Variants in NBEAL1 observed in about 807,000 individuals in gnomAD.
NBEAL1 encodes the protein neurobeachin like 1.
NBEAL1 carries 273 observed loss-of-function variants against 351.3 expected under a neutral mutation model. The ratio of observed to expected loss-of-function variants is 0.78; its 90% confidence interval spans 0.70 to 0.86. The LOEUF (loss-of-function observed/expected upper bound fraction) is 0.86. Ranked by LOEUF, NBEAL1 falls within the 40% of genes least tolerant of loss-of-function variation. The probability of loss-of-function intolerance (pLI) is 0.00; values close to 1 mark genes in which losing one functional copy is unlikely to be tolerated. For synonymous variants in NBEAL1, 1,050 were observed against 1,086.4 expected (o/e 0.97, Z 0.66); for missense variants, 2,961 against 3,201.3 (o/e 0.92, Z 1.81).
chr2:203,016,481 TA>T, intron 2 of NBEAL1, 46 bp downstream of exon 2: 1 of 1,284,194 alleles, frequency 7.8e-7, no homozygotes. Context: ...TACTTTATTA[TA>T]AAATTTGTGA....
At chr2:203,154,407 A>G (rs1395757418) in intron 35 of NBEAL1, among the ~76,000 whole-genome samples, 2 of 152,008 alleles carry the variant, frequency 1.3e-5, no homozygotes, top group Non-Finnish European at 2.9e-5. Context: ...TGTTTTGCCT[A>G]CTCCTTAGTT....
At chr2:203,130,513 C>T (rs772578507) in intron 25 of NBEAL1, 37 bp downstream of exon 25, 191 of 1,324,826 alleles carry the variant, frequency 1.4e-4, no homozygotes, top group East Asian at 5.6e-4. Context: ...TATTTTGAGG[C>T]GTTTGTGGGT....
chr2:203,158,028 A>G (rs1318240139), intron 36 of NBEAL1, among the ~76,000 whole-genome samples: 1 of 152,198 alleles, frequency 6.6e-6, no homozygotes, highest in African/African-American at 2.4e-5. Context: ...GGACCTTGAA[A>G]TTAGAAAATA....
At chr2:203,120,249 G>A (rs1277205437) in intron 18 of NBEAL1, among the ~76,000 whole-genome samples, 3 of 152,064 alleles carry the variant, frequency 2.0e-5, no homozygotes, top group African/African-American at 2.4e-5. Flanking sequence ...GGTATTATTG[G>A]TTATCTTTTC....
chr2:203,071,501 G>A (rs1277632166), intron 7 of NBEAL1, among the ~76,000 whole-genome samples: 2 of 152,134 alleles, frequency 1.3e-5, no homozygotes, highest in Middle Eastern at 3.4e-3. Context: ...AATTTTGGGG[G>A]TATACAGTTC....
intron 27 of NBEAL1, 85 bp downstream of exon 27, chr2:203,133,231 C>T (rs2063116027): frequency 1.8e-6 from 1 of 542,318 alleles, no homozygotes; most frequent in Non-Finnish European, 3.1e-6. Context: ...GCAGCAGATA[C>T]AAGTTTTCAT....
At chr2:203,141,820 C>A (rs1473451480) in intron 31 of NBEAL1, among the ~76,000 whole-genome samples, 2 of 152,104 alleles carry the variant, frequency 1.3e-5, no homozygotes, top group African/African-American at 4.8e-5. Flanking sequence ...ACAGGAACCT[C>A]TTTCTGTATA....
chr2:203,135,870 C>A lies in NBEAL1; in HGVS notation c.4007C>A (p.Ser1336Tyr). 1 of 1,614,022 alleles carries A rather than the reference C, an allele frequency of 6.2e-7. No homozygotes were observed. Among genetic ancestry groups the A allele is most frequent in the South Asian group, 1.1e-5 (1 of 91,070 alleles). ...NMSTEDTKKNSDEKTDEEKIT... is the reference protein window; with the variant it reads ...NMSTEDTKKNYDEKTDEEKIT... ...TCAACTGAAGATACCAAGAAGAACT[C>A]TGATGAAAAAACAGATGAGGAAAAA... Residue 1336 changes from serine (S) to tyrosine (Y), a missense_variant, in exon 28 of 56, where the codon TCT (serine) becomes TAT (tyrosine). Coordinates refer to ENST00000683969, the MANE Select transcript of NBEAL1 (RefSeq NM_001378026.1).
chr2:203,174,474 T>A (rs951670214), intron 41 of NBEAL1, among the ~76,000 whole-genome samples: 1 of 152,138 alleles, frequency 6.6e-6, no homozygotes, highest in African/African-American at 2.4e-5. Flanking sequence ...AGGATAGATA[T>A]TCACCAAAAA....
chr2:203,112,856 C>G (rs758210081), intron 16 of NBEAL1, among the ~76,000 whole-genome samples, 159 bp from the exon 17 acceptor site: 1 of 152,030 alleles, frequency 6.6e-6, no homozygotes, highest in Non-Finnish European at 1.5e-5. Context: ...TATACACATG[C>G]GTCTACACTT....
chr2:203,193,697 G>T, intron 46 of NBEAL1, 98 bp from the exon 47 acceptor site: 1 of 712,150 alleles, frequency 1.4e-6, no homozygotes. Flanking sequence ...TGCATGGTAT[G>T]TAATTCATTG....
intron 4 of NBEAL1, chr2:203,052,232 G>C (rs1314637544): frequency 2.7e-5 from 4 of 148,620 alleles, no homozygotes; most frequent in African/African-American, 9.9e-5. Context: ...ACCCCTGCCC[G>C]CCCCAACCTC....
intron 35 of NBEAL1, 48 bp from the exon 36 acceptor site, chr2:203,157,651 A>G: frequency 7.0e-7 from 1 of 1,424,738 alleles, no homozygotes; most frequent in Non-Finnish European, 9.4e-7. Flanking sequence ...AAAGGCTATA[A>G]TATTGTTTTT....
At position 203,127,841 on chromosome 2, in the gene NBEAL1, G is replaced by A. The variant is rs2062977536; in HGVS notation, c.3309G>A (p.Leu1103=). The change falls in exon 24 of 56, where the codon TTG becomes TTA. Residue 1103 remains leucine, a synonymous_variant. Transcript: ENST00000683969. ...LDDIRTIRTS[L]YGLIKYFLCK... is the part of the protein sequence containing the mutation. ...ATATTCGAACAATAAGGACTTCTTT[G>A]TATGGACTAATTAAATATTTTCTGT... is the stretch of plus-strand genomic sequence containing the variant. 2.6e-6 allele frequency: 4 copies of A among 1,540,186 alleles called. No homozygotes were observed. Among genetic ancestry groups the A allele is most frequent in the African/African-American group, 1.4e-5 (1 of 73,188 alleles).
rs1016101524 is a variant in NBEAL1, at chr2:203,224,248, C to G, written c.*6894C>G. On this transcript the variant is annotated 3_prime_UTR_variant, in exon 56 of 56. Transcript: ENST00000683969. Reference sequence around the variant, plus strand: ...ATCACCAAACTTTTTTTGTGGCAAACTGCTTATTTTATAAGTAGCTTTATA... The same window carrying G: ...ATCACCAAACTTTTTTTGTGGCAAAGTGCTTATTTTATAAGTAGCTTTATA... Among the ~76,000 whole-genome samples, 1 of 151,940 alleles carries G rather than the reference C, an allele frequency of 6.6e-6. No homozygotes were observed. Among genetic ancestry groups the G allele is most frequent in the Non-Finnish European group, 1.5e-5 (1 of 67,882 alleles).
chr2:203,057,151 T>C (rs1487451456), intron 5 of NBEAL1, among the ~76,000 whole-genome samples, 175 bp from the exon 6 acceptor site: 1 of 152,220 alleles, frequency 6.6e-6, no homozygotes, highest in Non-Finnish European at 1.5e-5. Flanking sequence ...GGTGTTTGGC[T>C]ATTTATTTTA....
At chr2:203,142,918 A>T (rs1024997557) in intron 31 of NBEAL1, among the ~76,000 whole-genome samples, 2 of 152,100 alleles carry the variant, frequency 1.3e-5, no homozygotes, top group African/African-American at 2.4e-5. Flanking sequence ...CATGTTAGAG[A>T]TCGTTTCCTC....
At chr2:203,085,541 C>T (rs2106171038) in intron 10 of NBEAL1, 1 of 152,228 alleles carries the variant, frequency 6.6e-6, no homozygotes, top group East Asian at 1.9e-4. Flanking sequence ...GCGAGAGTTT[C>T]AGTTTAGTTC....
intron 4 of NBEAL1, among the ~76,000 whole-genome samples, chr2:203,053,844 A>G (rs921387636): frequency 6.6e-6 from 1 of 152,020 alleles, no homozygotes. Flanking sequence ...ATATTTTTTG[A>G]TAGTCTGCGA....
Sources: gnomAD v4.1 joint callset for allele counts (sites outside exome capture counted in the v4.1 genomes callset) on GRCh38, gnomAD v4.1.1 for gene constraint, MANE v1.5 for transcripts, NCBI Gene and HGNC (gene_info 2026-07-23, HGNC 2026-07-21) for gene names.